ZBED6: variants seen among roughly 807,000 people sequenced by gnomAD.
ZBED6 encodes the protein zinc finger BED-type containing 6, also known as zinc finger BED domain-containing protein 6.
A neutral mutation model predicts 58.4 loss-of-function variants in ZBED6; 40 were observed. The observed-to-expected ratio is 0.68, with a 90% CI of 0.53 to 0.89. The LOEUF (loss-of-function observed/expected upper bound fraction) is 0.89. ZBED6 is among the 40% of genes least tolerant of loss of function. The pLI is 0.00. For missense variants in ZBED6, 1,057 were observed against 1,003.9 expected, an observed-to-expected ratio of 1.05 and a Z score of -0.71; for synonymous variants, 439 against 350.6, an observed-to-expected ratio of 1.25 and a Z score of -2.82.
intron 12 of ZBED6, 133 bp from the exon 13 acceptor site, chr1:203,848,198 C>T: frequency 1.3e-6 from 1 of 751,144 alleles, no homozygotes; most frequent in Non-Finnish European, 2.2e-6. Context: ...ACTTTAGGAG[C>T]ACAGATGGGC....
chr1:203,826,834 T>A (rs1680682381), intron 3 of ZBED6, among the ~76,000 whole-genome samples: 1 of 152,178 alleles, frequency 6.6e-6, no homozygotes, highest in South Asian at 2.1e-4. Context: ...TATTAAAATG[T>A]ATCTAGAAAA....
At chr1:203,818,572 T>C (rs4951260) in exon 3 of ZBED6, 1,607,775 of 1,613,920 alleles carry the variant, frequency 1, 801,022 homozygotes, top group East Asian at 1. Flanking sequence ...GTTTACAGGG[T>C]GACAGCTGCC....
chr1:203,850,196 T>C, intron 14 of ZBED6, 170 bp downstream of exon 14: 1 of 689,050 alleles, frequency 1.5e-6, no homozygotes, highest in Non-Finnish European at 2.4e-6. Context: ...ACGAGATGAA[T>C]TCTTTTCTCA....
exon 12 of ZBED6, chr1:203,847,539 G>A: frequency 6.2e-7 from 1 of 1,613,972 alleles, no homozygotes; most frequent in East Asian, 2.2e-5. Flanking sequence ...CAAAGTCTAT[G>A]CAGGAGGTGC....
intron 3 of ZBED6, among the ~76,000 whole-genome samples, chr1:203,825,891 T>C (rs1423362145): frequency 6.6e-6 from 1 of 152,198 alleles, no homozygotes; most frequent in Non-Finnish European, 1.5e-5. Context: ...TTTTCCAAGT[T>C]GTCTTCGTTG....
chr1:203,840,481 C>T (rs1685757057), intron 11 of ZBED6, 107 bp downstream of exon 11: 4 of 1,118,784 alleles, frequency 3.6e-6, no homozygotes, highest in African/African-American at 3.2e-5. Context: ...GATTTTTGTT[C>T]TTTTGTAGTT....
chr1:203,826,237 TTTTAC>T (rs1214477607), intron 3 of ZBED6, among the ~76,000 whole-genome samples: 1 of 152,130 alleles, frequency 6.6e-6, no homozygotes, highest in Non-Finnish European at 1.5e-5. Flanking sequence ...GTACTTTTAT[TTTTAC>T]TTTATTTTTA....
chr1:203,805,130 T>C (rs1348037856), intron 1 of ZBED6, among the ~76,000 whole-genome samples: 1 of 146,230 alleles, frequency 6.8e-6, no homozygotes, highest in Non-Finnish European at 1.5e-5. Flanking sequence ...TACCCACTTC[T>C]GATACAGTAG....
At chr1:203,819,175 T>C in intron 3 of ZBED6, among the ~76,000 whole-genome samples, 1 of 148,700 alleles carries the variant, frequency 6.7e-6, no homozygotes, top group African/African-American at 2.4e-5. Context: ...TATATGTGTG[T>C]GTATATATAT....
At chr1:203,832,289 G>A (rs376668060) in intron 8 of ZBED6, among the ~76,000 whole-genome samples, 14 of 152,062 alleles carry the variant, frequency 9.2e-5, no homozygotes, top group African/African-American at 2.9e-4. Context: ...TCAAACTCCC[G>A]ACCTCAGGTG....
chr1:203,820,661 G>A (rs1678306699), intron 3 of ZBED6, among the ~76,000 whole-genome samples: 1 of 151,956 alleles, frequency 6.6e-6, no homozygotes, highest in Non-Finnish European at 1.5e-5. Context: ...GTGTTTTTTA[G>A]TAGACACGAG....
chr1:203,801,460 T>C (rs1670536739), exon 1 of ZBED6: 1 of 152,362 alleles, frequency 6.6e-6, no homozygotes, highest in South Asian at 2.1e-4. Flanking sequence ...TCTGAAAGTA[T>C]GTTTCTGAGA....
exon 1 of ZBED6, chr1:203,796,717 C>G (rs1220848808): frequency 5.6e-6 from 2 of 357,386 alleles, no homozygotes; most frequent in Middle Eastern, 7.4e-4. Flanking sequence ...GAGTTACTTA[C>G]AGGCTGTAAA....
intron 7 of ZBED6, among the ~76,000 whole-genome samples, 184 bp downstream of exon 7, chr1:203,830,387 A>T (rs1197219870): frequency 6.6e-6 from 1 of 152,338 alleles, no homozygotes; most frequent in East Asian, 1.9e-4. Flanking sequence ...TTCAGTCCCT[A>T]ACTTTTCAGA....
At chr1:203,852,145 G>A (rs200162002) in exon 17 of ZBED6, 16 of 1,612,998 alleles carry the variant, frequency 9.9e-6, no homozygotes, top group Middle Eastern at 1.7e-4. Flanking sequence ...TTACAGTCTT[G>A]TGCTGCCTCC....
chr1:203,806,146 T>C (rs1244015998), intron 1 of ZBED6: 2 of 503,724 alleles, frequency 4.0e-6, no homozygotes, highest in Admixed American at 2.2e-5. Flanking sequence ...CTTCACTAGC[T>C]CAGCATCCAA....
At chr1:203,808,987 C>T (rs1231249743) in intron 1 of ZBED6, among the ~76,000 whole-genome samples, 3 of 151,580 alleles carry the variant, frequency 2.0e-5, no homozygotes, top group Non-Finnish European at 2.9e-5. Context: ...TTCGCCACCA[C>T]GCCCAGCTAA....
intron 9 of ZBED6, 136 bp from the exon 10 acceptor site, chr1:203,837,830 G>C: frequency 1.3e-6 from 1 of 772,056 alleles, no homozygotes; most frequent in Non-Finnish European, 2.1e-6. Flanking sequence ...GAACTCTAAG[G>C]AAGCTGGTGA....
chr1:203,835,677 C>G (rs971182788), intron 9 of ZBED6: 50 of 244,840 alleles, frequency 2.0e-4, no homozygotes, highest in African/African-American at 8.5e-4. Context: ...ACCACTGTTT[C>G]CATGGGCTTG....
Sources: gnomAD v4.1 joint callset for allele counts (sites outside exome capture counted in the v4.1 genomes callset) on GRCh38, gnomAD v4.1.1 for gene constraint, MANE v1.5 for transcripts, NCBI Gene and HGNC (gene_info 2026-07-23, HGNC 2026-07-21) for gene names.